Variants in CDH12 observed in about 807,000 individuals in gnomAD.
CDH12 encodes cadherin-12.
A neutral mutation model predicts 74.1 loss-of-function variants in CDH12; 41 were observed. The observed-to-expected ratio is 0.55, with a 90% CI of 0.43 to 0.72. The LOEUF (loss-of-function observed/expected upper bound fraction) is 0.72. Ranked by LOEUF, CDH12 falls within the 30% of genes least tolerant of loss-of-function variation. The probability of loss-of-function intolerance (pLI) is 0.00; values close to 1 mark genes in which losing one functional copy is unlikely to be tolerated. For missense variants in CDH12, 945 were observed against 977.2 expected (o/e 0.97, Z 0.44); for synonymous variants, 399 against 355.0 (o/e 1.12, Z -1.39).
intron 2 of CDH12, among the ~76,000 whole-genome samples, chr5:22,435,202 G>A (rs1484507118): frequency 6.6e-6 from 1 of 152,068 alleles, no homozygotes; most frequent in Admixed American, 6.6e-5. Context: ...GCAGAAAAAT[G>A]TGAAAAGGCT....
intron 6 of CDH12, among the ~76,000 whole-genome samples, chr5:21,861,861 G>C (rs62350973): frequency 0.18 from 27,163 of 151,216 alleles, 2,861 homozygotes; most frequent in Middle Eastern, 0.27. Context: ...TTTATTTTAT[G>C]CTTGAACTTT....
chr5:21,971,137 A>T (rs1289876834), intron 6 of CDH12, among the ~76,000 whole-genome samples: 1 of 152,018 alleles, frequency 6.6e-6, no homozygotes, highest in Non-Finnish European at 1.5e-5. Context: ...TGTTTAAGCA[A>T]GAATCCCCAT....
rs567320581 is a variant in CDH12, at chr5:22,054,589, T to C, written c.231+23857A>G. Among the ~76,000 whole-genome samples the C allele has an allele frequency of 3.9e-5, 6 of 152,236 alleles. No individual in the cohort carries two copies. In the South Asian group the frequency reaches 1.0e-3, roughly 26 times the overall value. On this transcript the variant is annotated intron_variant, in intron 5 of 14. Coordinates refer to ENST00000382254, the MANE Select transcript of CDH12 (RefSeq NM_004061.5). ...GACCATTTTGGCAAAGATCTGCCCA[T>C]GTCTTAGCTTATATTGACTGTTAAA...
At chr5:21,807,335 A>G (rs574741739) in intron 9 of CDH12, among the ~76,000 whole-genome samples, 1 of 152,202 alleles carries the variant, frequency 6.6e-6, no homozygotes, top group South Asian at 2.1e-4. Flanking sequence ...AGGGAGACTG[A>G]CCTGAGTAAC....
intron 3 of CDH12, among the ~76,000 whole-genome samples, chr5:22,277,396 T>C (rs1407227732): frequency 1.3e-5 from 2 of 152,080 alleles, no homozygotes; most frequent in South Asian, 2.1e-4. Flanking sequence ...GCTTGTTTGG[T>C]AGAAATCTTT....
At chr5:22,446,343 A>G (rs1744817249) in intron 2 of CDH12, among the ~76,000 whole-genome samples, 1 of 152,094 alleles carries the variant, frequency 6.6e-6, no homozygotes, top group Non-Finnish European at 1.5e-5. Flanking sequence ...ATGACGTGCC[A>G]AGTTTCCAAG....
intron 6 of CDH12, among the ~76,000 whole-genome samples, chr5:21,864,927 T>A (rs1292363141): frequency 1.3e-5 from 2 of 152,166 alleles, no homozygotes; most frequent in African/African-American, 4.8e-5. Flanking sequence ...GAACAAGGTA[T>A]TGGAAACTGG....
At chr5:22,149,344 A>G (rs1174425996) in intron 4 of CDH12, among the ~76,000 whole-genome samples, 2 of 152,174 alleles carry the variant, frequency 1.3e-5, no homozygotes, top group African/African-American at 2.4e-5. Context: ...ATACAGCACT[A>G]AACTACATCC....
At chr5:22,476,775 C>T (rs1746187603) in intron 2 of CDH12, among the ~76,000 whole-genome samples, 1 of 152,052 alleles carries the variant, frequency 6.6e-6, no homozygotes, top group Admixed American at 6.6e-5. Context: ...ATATAATATT[C>T]ACTATATAGG....
chr5:22,570,109 G>A (rs1043794961), intron 1 of CDH12, among the ~76,000 whole-genome samples: 5 of 151,962 alleles, frequency 3.3e-5, no homozygotes, highest in African/African-American at 1.2e-4. Context: ...AGGCTGGAGT[G>A]CAGTGGAGTG....
chr5:22,734,262 C>T (rs1439126480), intron 1 of CDH12, among the ~76,000 whole-genome samples: 1 of 151,786 alleles, frequency 6.6e-6, no homozygotes, highest in Non-Finnish European at 1.5e-5. Context: ...TATGTTCTGT[C>T]CGTAATTGTT....
At chr5:22,424,453 C>G (rs111627083) in intron 2 of CDH12, among the ~76,000 whole-genome samples, 2,831 of 152,260 alleles carry the variant, frequency 0.019, 47 homozygotes, top group African/African-American at 0.039. Flanking sequence ...GGCAGCCAGC[C>G]TCAACTGAGT....
Position 22,430,332 on chromosome 5 carries a change from T to C in CDH12, c.-427-24981A>G, listed in dbSNP as rs555568573. ...AGAGAGATAAAAGAATTTTTGGTGA[T>C]TCATCTCTCAGTTAAAGAGAAGAAG... On this transcript the variant is annotated intron_variant, in intron 2 of 14. Transcript: ENST00000382254. Among the ~76,000 whole-genome samples the C allele has an allele frequency of 1.2e-4, 19 of 152,154 alleles. No individual in the cohort carries two copies. The South Asian group carries it at 3.9e-3, about 32-fold the overall frequency.
At chr5:22,802,275 C>A (rs1227336406) in intron 1 of CDH12, among the ~76,000 whole-genome samples, 1 of 151,872 alleles carries the variant, frequency 6.6e-6, no homozygotes, top group African/African-American at 2.4e-5. Context: ...GCGCCCGCCA[C>A]CACACCCGGC....
rs1444748493 is a variant in CDH12 at position 21,883,657 on chromosome 5, T to A, written c.527-28867A>T. On this transcript the variant is annotated intron_variant, in intron 6 of 14. Coordinates refer to ENST00000382254, the MANE Select transcript of CDH12 (RefSeq NM_004061.5). ...GTCATTGTGACCAAAGACGATGCCA[T>A]GCTCTTAAAAGGAAAAGGTGACAAG... is the stretch of plus-strand genomic sequence containing the variant. 1.9e-6 allele frequency: 3 copies of A among 1,612,040 alleles called. No homozygotes were observed. In the East Asian group the frequency reaches 6.7e-5, roughly 36 times the overall value.
intron 1 of CDH12, among the ~76,000 whole-genome samples, chr5:22,518,407 T>C (rs1051092191): frequency 3.9e-5 from 6 of 152,150 alleles, no homozygotes; most frequent in Non-Finnish European, 8.8e-5. Flanking sequence ...TATAATGAAG[T>C]TTATATCATC....
chr5:22,176,001 C>T (rs1358629933), intron 4 of CDH12, among the ~76,000 whole-genome samples: 18 of 149,244 alleles, frequency 1.2e-4, no homozygotes, highest in Non-Finnish European at 7.5e-5. Context: ...ATCTCCTTCC[C>T]GGAACCCTTT....
chr5:22,023,548 A>G (rs1738139554), intron 5 of CDH12, among the ~76,000 whole-genome samples: 1 of 151,360 alleles, frequency 6.6e-6, no homozygotes, highest in Admixed American at 6.6e-5. Flanking sequence ...CTGTATTTGT[A>G]TATATATATA....
chr5:22,643,755 TTTTTTC>T (rs1006647478), intron 1 of CDH12, among the ~76,000 whole-genome samples: 7 of 140,148 alleles, frequency 5.0e-5, no homozygotes, highest in South Asian at 2.3e-4. Context: ...TTTTTTTTTT[TTTTTTC>T]CACAAATTGA....
Sources: gnomAD v4.1 joint callset for allele counts (sites outside exome capture counted in the v4.1 genomes callset) on GRCh38, gnomAD v4.1.1 for gene constraint, MANE v1.5 for transcripts, NCBI Gene and HGNC (gene_info 2026-07-23, HGNC 2026-07-21) for gene names.